CPA5: variants seen among roughly 807,000 people sequenced by gnomAD.
CPA5 encodes testicular tissue protein Li 32.
Under a neutral mutation model 52.2 loss-of-function variants are expected in CPA5, and 38 were observed. The observed-to-expected ratio is 0.73, with a 90% CI of 0.56 to 0.95. The LOEUF is 0.95. CPA5 is among the 40% of genes least tolerant of loss of function. CPA5 has a pLI of 0.00. For missense variants in CPA5, 519 were observed against 566.7 expected (o/e 0.92, Z 0.86); for synonymous variants, 198 against 213.7 (o/e 0.93, Z 0.64).
chr7:130,357,668 C>A (rs1190378230), intron 5 of CPA5, among the ~76,000 whole-genome samples: 1 of 151,638 alleles, frequency 6.6e-6, no homozygotes, highest in East Asian at 1.9e-4. Context: ...AAGCACATTG[C>A]CAAAATGTAA....
intron 4 of CPA5, among the ~76,000 whole-genome samples, chr7:130,348,243 C>T (rs930120920): frequency 6.6e-6 from 1 of 152,176 alleles, no homozygotes; most frequent in Non-Finnish European, 1.5e-5. Flanking sequence ...GCTTGGCAAA[C>T]CTGTATTTTA....
chr7:130,358,413 C>T (rs993021333), intron 5 of CPA5, among the ~76,000 whole-genome samples: 2 of 152,140 alleles, frequency 1.3e-5, no homozygotes, highest in Non-Finnish European at 2.9e-5. Flanking sequence ...TTAGCTTTGC[C>T]ATTAAGTCCC....
intron 5 of CPA5, among the ~76,000 whole-genome samples, chr7:130,359,103 C>T (rs1562955385): frequency 6.6e-6 from 1 of 152,170 alleles, no homozygotes; most frequent in Non-Finnish European, 1.5e-5. Flanking sequence ...CTGCTTCCCC[C>T]AGGGGGGTCA....
intron 7 of CPA5, among the ~76,000 whole-genome samples, chr7:130,362,167 A>C (rs1407724883): frequency 1.3e-5 from 2 of 152,186 alleles, no homozygotes; most frequent in Non-Finnish European, 2.9e-5. Context: ...AGAGTTTGAG[A>C]AACCCTGGTC....
chr7:130,356,075 G>A (rs921968091), intron 5 of CPA5, among the ~76,000 whole-genome samples: 5 of 152,234 alleles, frequency 3.3e-5, no homozygotes, highest in Admixed American at 6.5e-5. Context: ...AGACCTGGAA[G>A]AGAAGGCCAG....
chr7:130,374,481 G>A, the CPA5 span, among the ~76,000 whole-genome samples: 2 of 152,166 alleles, frequency 1.3e-5, no homozygotes, highest in Non-Finnish European at 2.9e-5. Context: ...TTCCTGCCCT[G>A]TCAGCCCACC....
intron 6 of CPA5, 46 bp downstream of exon 6, chr7:130,359,733 C>A: frequency 7.4e-7 from 1 of 1,356,518 alleles, no homozygotes; most frequent in Non-Finnish European, 1.0e-6. Context: ...GTCTTTGGGC[C>A]CCTTAGGGTC....
At chr7:130,346,636 G>A (rs1554402286) in intron 3 of CPA5, 35 bp downstream of exon 3, 2 of 1,559,546 alleles carry the variant, frequency 1.3e-6, no homozygotes, top group Non-Finnish European at 1.8e-6. Context: ...GGGAGGACTG[G>A]CTGGGAGGAG....
chr7:130,356,290 C>T (rs973041245), intron 5 of CPA5, among the ~76,000 whole-genome samples: 10 of 152,338 alleles, frequency 6.6e-5, no homozygotes, highest in Middle Eastern at 3.4e-3. Flanking sequence ...CCCCATCCTT[C>T]CTTGACTCAT....
chr7:130,367,762 T>A lies in CPA5; in HGVS notation c.1039-144T>A, dbSNP rs1033675128. 38 of 842,924 alleles carry A rather than the reference T, an allele frequency of 4.5e-5. 1 individual carries two copies. In the African/African-American group the frequency reaches 6.0e-4, roughly 13 times the overall value. 52.2% of individuals were successfully genotyped at this position (842,924 alleles called of 1,614,324 possible). A position where few individuals can be genotyped will look rare whatever the true frequency, so the allele number is the denominator to read the frequency against. On this transcript the variant is annotated intron_variant, in intron 11 of 12. Coordinates refer to ENST00000474905, the MANE Select transcript of CPA5 (RefSeq NM_080385.5). The stretch of plus-strand genomic sequence containing the variant: ...TGATCAAGTTCAAAGCTGGAAATGC[T>A]GTGCTCCCTTCTCACAAGGGCCATC...
intron 3 of CPA5, 106 bp downstream of exon 3, chr7:130,346,707 C>G (rs1245306184): frequency 3.4e-6 from 3 of 870,460 alleles, no homozygotes; most frequent in Non-Finnish European, 5.6e-6. Flanking sequence ...GGCGGAGAGT[C>G]AGGATGTGGG....
At chr7:130,354,256 T>C (rs1263174764) in intron 5 of CPA5, among the ~76,000 whole-genome samples, 2 of 152,146 alleles carry the variant, frequency 1.3e-5, no homozygotes, top group African/African-American at 4.8e-5. Flanking sequence ...TGTACCCTTC[T>C]TCCCCACTTC....
intron 5 of CPA5, among the ~76,000 whole-genome samples, chr7:130,351,402 G>A (rs1554403932): frequency 6.6e-6 from 1 of 152,076 alleles, no homozygotes; most frequent in African/African-American, 2.4e-5. Context: ...GTTGATTTCT[G>A]CACATCAGGG....
downstream of CPA5, among the ~76,000 whole-genome samples, chr7:130,370,678 A>C (rs992035497): frequency 1.3e-5 from 2 of 152,228 alleles, no homozygotes; most frequent in Non-Finnish European, 2.9e-5. Context: ...GTCAAACTCC[A>C]AAACCACTGT....
At chr7:130,356,261 A>ACC (rs1795470513) in intron 5 of CPA5, among the ~76,000 whole-genome samples, 1 of 151,986 alleles carries the variant, frequency 6.6e-6, no homozygotes, top group Non-Finnish European at 1.5e-5. Flanking sequence ...ACCCGGGAGG[A>ACC]CTGTTCTTCC....
chr7:130,362,742 C>A, intron 8 of CPA5, 142 bp from the exon 9 acceptor site: 1 of 648,088 alleles, frequency 1.5e-6, no homozygotes, highest in Non-Finnish European at 2.7e-6. Flanking sequence ...TGTTTAAAAT[C>A]CAAGCCTTTG....
chr7:130,360,662 A>G (rs1445421539), intron 6 of CPA5, among the ~76,000 whole-genome samples: 1 of 152,270 alleles, frequency 6.6e-6, no homozygotes, highest in East Asian at 1.9e-4. Flanking sequence ...ATGAAATAAT[A>G]CAGTCTGTCA....
At chr7:130,347,335 G>T (rs1554402547) in intron 3 of CPA5, among the ~76,000 whole-genome samples, 1 of 152,232 alleles carries the variant, frequency 6.6e-6, no homozygotes, top group African/African-American at 2.4e-5. Flanking sequence ...GACAGACCAT[G>T]GCCTTGGGGC....
Position 130,363,422 on chromosome 7 carries a change from C to T in CPA5, c.751C>T (p.Arg251Cys), listed in dbSNP as rs1029445973. The change falls in exon 10 of 13, where the codon CGC becomes TGC. Residue 251 changes from arginine (R) to cysteine (C), a missense_variant. Arg to Cys is a radical substitution (Grantham distance 180). Transcript: ENST00000474905. ...DGFAFTHSMNRLWRKNKSIRP... is the reference protein window; with the variant it reads ...DGFAFTHSMNCLWRKNKSIRP... ...CACCTGTCCTGGGCTTTCCCAGAAC[C>T]GCTTATGGCGGAAGAACAAGTCCAT... 1.2e-5 allele frequency: 19 copies of T among 1,566,866 alleles called. No individual in the cohort carries two copies. The highest frequency in any genetic ancestry group is 3.5e-5 in the South Asian group (3 of 85,186).
Sources: gnomAD v4.1 joint callset for allele counts (sites outside exome capture counted in the v4.1 genomes callset) on GRCh38, gnomAD v4.1.1 for gene constraint, MANE v1.5 for transcripts, NCBI Gene and HGNC (gene_info 2026-07-23, HGNC 2026-07-21) for gene names.